The following HOPX variants were observed in gnomAD, a reference collection of about 807,000 sequenced individuals.
HOPX encodes the protein HOP homeobox, also known as homeodomain-only protein.
Under a neutral mutation model 11.8 loss-of-function variants are expected in HOPX, and 5 were observed. The observed-to-expected ratio is 0.43, with a 90% CI of 0.22 to 0.89. The LOEUF (loss-of-function observed/expected upper bound fraction) is 0.89. Ranked by LOEUF, HOPX falls within the 40% of genes least tolerant of loss-of-function variation. The pLI is 0.28. For missense variants in HOPX, 119 were observed against 120.0 expected (o/e 0.99, Z 0.04); for synonymous variants, 49 against 49.7 (o/e 0.99, Z 0.06).
intron 1 of HOPX, 171 bp downstream of exon 1, chr4:56,681,084 C>T (rs1719300557): frequency 4.1e-6 from 4 of 984,638 alleles, no homozygotes; most frequent in Non-Finnish European, 4.8e-6. Context: ...TGTCTTACAC[C>T]CAGCAGCATT....
At chr4:56,671,509 C>T (rs895690977) in intron 1 of HOPX, among the ~76,000 whole-genome samples, 1 of 152,236 alleles carries the variant, frequency 6.6e-6, no homozygotes, top group Admixed American at 6.5e-5. Flanking sequence ...AAATGACCCA[C>T]AGCTGGTACC....
intron 1 of HOPX, chr4:56,665,707 A>G (rs1387640302): frequency 6.6e-6 from 1 of 152,210 alleles, no homozygotes; most frequent in Admixed American, 6.5e-5. Context: ...CTTTATCATC[A>G]GAGGAGCAGC....
intron 1 of HOPX, chr4:56,664,308 T>G (rs1475290598): frequency 6.6e-6 from 1 of 151,750 alleles, no homozygotes; most frequent in Non-Finnish European, 1.5e-5. Flanking sequence ...TTTTTTTTTT[T>G]TTTTTTTAGT....
At chr4:56,650,613 C>G in intron 3 of HOPX, 2 of 1,501,548 alleles carry the variant, frequency 1.3e-6, no homozygotes, top group Admixed American at 2.0e-5. Context: ...AACACACCTA[C>G]ACCTCACCCA....
intron 3 of HOPX, chr4:56,649,876 A>C (rs1041484649): frequency 1.3e-5 from 2 of 152,534 alleles, no homozygotes; most frequent in African/African-American, 4.8e-5. Flanking sequence ...ATAAAAAACA[A>C]AGCAAAACAA....
At chr4:56,657,685 C>T in intron 2 of HOPX, 90 bp downstream of exon 2, 1 of 723,612 alleles carries the variant, frequency 1.4e-6, no homozygotes, top group Non-Finnish European at 2.6e-6. Flanking sequence ...GAGGGTCATA[C>T]CAGGTCAGAA....
chr4:56,656,442 CT>C, intron 2 of HOPX: 1 of 987,426 alleles, frequency 1.0e-6, no homozygotes, highest in Non-Finnish European at 1.2e-6. Flanking sequence ...TGGGGACAGA[CT>C]TGACAGATCG....
chr4:56,655,872 G>T lies in HOPX; in HGVS notation c.183C>A (p.Ser61=). ...GGGGACGCACCTGGGTCTCCTCCTC[G>T]GAAAGGCCTGCCTCGGCCGCGATGA... is the stretch of plus-strand genomic sequence containing the variant. ...LCLIAAEAGL[S]EEETQKWFKQ... The change falls in exon 3 of 4, where the codon TCC becomes TCA. Residue 61 remains serine (S), a synonymous_variant. Transcript: ENST00000420433. 1 of 1,611,528 alleles carries T rather than the reference G, an allele frequency of 6.2e-7. No individual in the cohort carries two copies. Among genetic ancestry groups the T allele is most frequent in the South Asian group, 1.1e-5 (1 of 90,456 alleles).
intron 1 of HOPX, among the ~76,000 whole-genome samples, chr4:56,670,718 C>T (rs761366591): frequency 1.8e-4 from 27 of 152,084 alleles, no homozygotes; most frequent in African/African-American, 2.7e-4. Flanking sequence ...TAATACAGGC[C>T]GGGCGTAGTG....
intron 1 of HOPX, chr4:56,664,962 G>C (rs1718351889): frequency 6.6e-6 from 1 of 152,088 alleles, no homozygotes; most frequent in African/African-American, 2.4e-5. Context: ...GAAATTCTTT[G>C]TTTTGTTTTT....
intron 3 of HOPX, among the ~76,000 whole-genome samples, chr4:56,652,224 C>T (rs988407814): frequency 6.6e-6 from 1 of 152,140 alleles, no homozygotes; most frequent in African/African-American, 2.4e-5. Flanking sequence ...TATAAAGAGG[C>T]CAGCAAATCT....
rs1313264248 is a variant in HOPX, at chr4:56,655,784, C to G, written c.198+73G>C. On this transcript the variant is annotated intron_variant, in intron 3 of 3. Coordinates refer to ENST00000420433, the MANE Select transcript of HOPX (RefSeq NM_032495.6). The stretch of plus-strand genomic sequence containing the variant: ...CAGCCCGGCGGGAGGCGCGGACGAA[C>G]AGGACCGCCCAGCCGCGAGAAGGCT... 4.0e-6 allele frequency: 6 copies of G among 1,509,418 alleles called. No homozygotes were observed. In the African/African-American group the frequency reaches 9.9e-5, roughly 25 times the overall value. 93.5% of individuals were successfully genotyped at this position (1,509,418 alleles called of 1,614,324 possible).
intron 1 of HOPX, among the ~76,000 whole-genome samples, chr4:56,671,194 G>A (rs185851620): frequency 1.5e-3 from 235 of 152,048 alleles, no homozygotes; most frequent in Non-Finnish European, 2.8e-3. Context: ...AATATATGCT[G>A]GGTTCTACGG....
At chr4:56,680,251 G>A (rs1046710989) in intron 1 of HOPX, 2 of 152,192 alleles carry the variant, frequency 1.3e-5, no homozygotes, top group Non-Finnish European at 2.9e-5. Context: ...AGCGAGGAAT[G>A]AATACCTGAG....
At chr4:56,650,542 T>G (rs1253727162) in intron 3 of HOPX, 2 of 804,974 alleles carry the variant, frequency 2.5e-6, no homozygotes, top group Non-Finnish European at 3.9e-6. Context: ...TGAATGGGGG[T>G]AAGGCTCTGC....
intron 3 of HOPX, chr4:56,650,769 C>A: frequency 6.4e-7 from 1 of 1,551,120 alleles, no homozygotes; most frequent in South Asian, 1.2e-5. Context: ...TTGGGGGCTA[C>A]TTTCTGGGTG....
intron 3 of HOPX, chr4:56,650,019 G>A (rs1344375063): frequency 6.5e-6 from 1 of 152,710 alleles, no homozygotes; most frequent in Non-Finnish European, 1.5e-5. Context: ...CCATTCACAT[G>A]TCATGGGGTA....
chr4:56,665,714 C>A (rs1281505777), intron 1 of HOPX: 3 of 152,138 alleles, frequency 2.0e-5, no homozygotes, highest in Non-Finnish European at 4.4e-5. Flanking sequence ...ATCAGAGGAG[C>A]AGCAACACTA....
At chr4:56,677,237 A>G (rs1449860109) in intron 1 of HOPX, among the ~76,000 whole-genome samples, 5 of 151,844 alleles carry the variant, frequency 3.3e-5, no homozygotes, top group African/African-American at 9.7e-5. Context: ...AGAAAAAACA[A>G]TCTAACAGGG....
Sources: allele counts gnomAD v4.1 joint callset (sites outside exome capture counted in the v4.1 genomes callset), GRCh38; gene constraint gnomAD v4.1.1; transcripts MANE v1.5; gene names NCBI Gene and HGNC (gene_info 2026-07-23, HGNC 2026-07-21).